The following PIK3C2G variants were observed in gnomAD, a reference collection of about 807,000 sequenced individuals.
PIK3C2G encodes phosphatidylinositol-4-phosphate 3-kinase catalytic subunit type 2 gamma, also known as phosphatidylinositol 3-kinase C2 domain-containing subunit gamma.
In PIK3C2G, 168 loss-of-function variants were observed where a neutral mutation model predicts 181.1. The ratio of observed to expected loss-of-function variants is 0.93; its 90% CI spans 0.82 to 1.05. The LOEUF (loss-of-function observed/expected upper bound fraction) is 1.05, where lower values mean the gene tolerates loss of function less well. Among genes scored for constraint, PIK3C2G ranks in the 50% least tolerant of loss-of-function variants. PIK3C2G has a pLI of 0.00. For missense variants in PIK3C2G, 1,869 were observed against 1,732.8 expected (o/e 1.08, Z -1.40); for synonymous variants, 573 against 592.2 (o/e 0.97, Z 0.47).
intron 29 of PIK3C2G, among the ~76,000 whole-genome samples, chr12:18,580,097 C>A (rs956046119): frequency 2.7e-5 from 4 of 149,636 alleles, no homozygotes; most frequent in African/African-American, 7.4e-5. Flanking sequence ...CGCACCACTG[C>A]ACTCCAGCCT....
chr12:18,278,418 A>C (rs1949075167), intron 1 of PIK3C2G, among the ~76,000 whole-genome samples: 1 of 152,130 alleles, frequency 6.6e-6, no homozygotes, highest in South Asian at 2.1e-4. Flanking sequence ...GATCCTTGTG[A>C]TTACCCTGGG....
chr12:18,657,078 C>T, the PIK3C2G span, among the ~76,000 whole-genome samples: 1 of 152,050 alleles, frequency 6.6e-6, no homozygotes, highest in African/African-American at 2.4e-5. Flanking sequence ...AAAAAACAAG[C>T]CCAAAGGGTT....
intron 8 of PIK3C2G, among the ~76,000 whole-genome samples, chr12:18,331,438 A>G (rs974728410): frequency 6.6e-6 from 1 of 152,056 alleles, no homozygotes; most frequent in Non-Finnish European, 1.5e-5. Context: ...ATTTTAAATA[A>G]TATTTTTATA....
chr12:18,450,148 T>C (rs1592287692), intron 18 of PIK3C2G, among the ~76,000 whole-genome samples: 1 of 152,176 alleles, frequency 6.6e-6, no homozygotes, highest in African/African-American at 2.4e-5. Flanking sequence ...ATTTTTGAGA[T>C]GGAGTTTTGC....
intron 18 of PIK3C2G, among the ~76,000 whole-genome samples, chr12:18,479,026 C>T (rs541288252): frequency 2.0e-5 from 3 of 147,680 alleles, no homozygotes; most frequent in Non-Finnish European, 3.0e-5. Context: ...TATATACACA[C>T]ACACATATAT....
the PIK3C2G span, chr12:18,692,847 A>G: frequency 8.8e-6 from 14 of 1,594,990 alleles, no homozygotes; most frequent in Non-Finnish European, 1.2e-5. Context: ...CAAGAAAAAG[A>G]AATATGAACC....
At chr12:18,409,548 T>TA (rs1272600243) in intron 16 of PIK3C2G, among the ~76,000 whole-genome samples, 5 of 151,810 alleles carry the variant, frequency 3.3e-5, no homozygotes, top group Admixed American at 6.6e-5. Flanking sequence ...AAGTATAATT[T>TA]AAAAAATAAA....
chr12:18,625,789 T>A (rs1043825277), intron 31 of PIK3C2G, among the ~76,000 whole-genome samples: 2 of 151,892 alleles, frequency 1.3e-5, no homozygotes, highest in African/African-American at 4.8e-5. Flanking sequence ...TGTCTCTTTT[T>A]GCAGTTTTTT....
At chr12:18,280,652 A>G (rs926525325) in intron 1 of PIK3C2G, among the ~76,000 whole-genome samples, 9 of 152,020 alleles carry the variant, frequency 5.9e-5, no homozygotes, top group Non-Finnish European at 1.2e-4. Flanking sequence ...GGAATTATAA[A>G]TGTTATCCTG....
the PIK3C2G span, chr12:18,701,915 C>T: frequency 8.1e-7 from 1 of 1,237,376 alleles, no homozygotes; most frequent in Non-Finnish European, 1.1e-6. Context: ...TTCCCATACC[C>T]CTATTCACAT....
chr12:18,675,085 A>G, the PIK3C2G span, among the ~76,000 whole-genome samples: 3 of 152,198 alleles, frequency 2.0e-5, no homozygotes, highest in African/African-American at 7.2e-5. Context: ...GCTATTGAGC[A>G]CTGGAAATGT....
rs142336259 is a variant in PIK3C2G at position 18,542,230 on chromosome 12, C to T, written c.3480+3918C>T. 1.1e-4 allele frequency among the ~76,000 whole-genome samples: 16 copies of T among 151,900 alleles called. No individual in the cohort carries two copies. The East Asian group carries it at 1.4e-3, about 13-fold the overall frequency. ...GAAGAAATCTGCCTCAATGAGCACA[C>T]GGAAGTCTCCAAACCTCTTAGTACA... On this transcript the variant is annotated intron_variant, in intron 25 of 32. Coordinates refer to ENST00000538779, the MANE Select transcript of PIK3C2G (RefSeq NM_001288772.2).
chr12:18,311,205 GAC>G (rs144280398), intron 5 of PIK3C2G, among the ~76,000 whole-genome samples: 8 of 150,396 alleles, frequency 5.3e-5, no homozygotes, highest in Non-Finnish European at 1.0e-4. Context: ...CACACATACA[GAC>G]ACACACACAC....
chr12:18,655,654 C>T, the PIK3C2G span, among the ~76,000 whole-genome samples: 1 of 151,798 alleles, frequency 6.6e-6, no homozygotes, highest in African/African-American at 2.4e-5. Flanking sequence ...CAGTGGAAGT[C>T]GTGTTGGCAG....
the PIK3C2G span, among the ~76,000 whole-genome samples, chr12:18,689,057 C>A: frequency 6.6e-6 from 1 of 151,984 alleles, no homozygotes; most frequent in Admixed American, 6.6e-5. Flanking sequence ...CCACAGATTA[C>A]GGCATTAGCT....
intron 18 of PIK3C2G, among the ~76,000 whole-genome samples, chr12:18,479,483 C>T (rs1460371843): frequency 6.6e-6 from 1 of 152,166 alleles, no homozygotes; most frequent in Non-Finnish European, 1.5e-5. Flanking sequence ...TATCCTCCCT[C>T]ATCTGTGAGA....
chr12:18,387,010 C>T (rs188936136), intron 14 of PIK3C2G, among the ~76,000 whole-genome samples: 3 of 152,108 alleles, frequency 2.0e-5, no homozygotes, highest in East Asian at 1.9e-4. Context: ...CAGCTTCAAA[C>T]GAAACATGCC....
At chr12:18,585,152 C>A (rs181324765) in intron 29 of PIK3C2G, among the ~76,000 whole-genome samples, 31 of 152,206 alleles carry the variant, frequency 2.0e-4, no homozygotes, top group African/African-American at 7.0e-4. Flanking sequence ...GCATGATAAC[C>A]AGCTAACAAT....
intron 11 of PIK3C2G, among the ~76,000 whole-genome samples, chr12:18,347,237 A>T (rs973626542): frequency 6.6e-6 from 1 of 151,632 alleles, no homozygotes; most frequent in African/African-American, 2.4e-5. Flanking sequence ...AAAAAAAATC[A>T]CTCTGATCCC....
Sources: gnomAD v4.1 joint callset for allele counts (sites outside exome capture counted in the v4.1 genomes callset) on GRCh38, gnomAD v4.1.1 for gene constraint, MANE v1.5 for transcripts, NCBI Gene and HGNC (gene_info 2026-07-23, HGNC 2026-07-21) for gene names.